ABCC10: variants seen among roughly 807,000 people sequenced by gnomAD.
ABCC10 encodes ATP binding cassette subfamily C member 10.
A neutral mutation model predicts 143.2 loss-of-function variants in ABCC10; 110 were observed. The observed-to-expected ratio is 0.77, with a 90% CI of 0.66 to 0.90. The LOEUF (loss-of-function observed/expected upper bound fraction) is 0.90, where lower values mean the gene tolerates loss of function less well. Ranked by LOEUF, ABCC10 falls within the 40% of genes least tolerant of loss-of-function variation. The pLI, the probability that ABCC10 is intolerant of heterozygous loss-of-function variation, is 0.00. For synonymous variants in ABCC10, 805 were observed against 846.7 expected, an observed-to-expected ratio of 0.95 and a Z score of 0.85; for missense variants, 1,700 against 1,900.5, an observed-to-expected ratio of 0.89 and a Z score of 1.96.
chr6:43,445,978 G>C (rs200579608), intron 15 of ABCC10, 36 bp downstream of exon 15: 51 of 1,582,722 alleles, frequency 3.2e-5, no homozygotes, highest in Admixed American at 1.8e-4. Flanking sequence ...TGAGGTGTTG[G>C]GGGGAGAGGA....
chr6:43,450,677 G>C (rs757586307), downstream of ABCC10: 5 of 1,613,944 alleles, frequency 3.1e-6, no homozygotes, highest in South Asian at 5.5e-5. This position sits in a 1 kb window ranked among gnomAD's most constrained non-coding sequence, Gnocchi z 4.5. Flanking sequence ...AGGGTCCAGG[G>C]GGGCAGACAC....
intron 1 of ABCC10, 35 bp downstream of exon 1, chr6:43,427,792 A>G: frequency 1.5e-6 from 1 of 673,142 alleles, no homozygotes; most frequent in Non-Finnish European, 2.6e-6. Flanking sequence ...CACTGGGGAA[A>G]CCTCCTCCCG....
intron 15 of ABCC10, 139 bp from the exon 16 acceptor site, chr6:43,446,138 G>A: frequency 8.5e-7 from 1 of 1,179,332 alleles, no homozygotes; most frequent in South Asian, 1.5e-5. Context: ...GGCATCTGCA[G>A]CCCTGAGGGA....
chr6:43,446,463 C>G lies in ABCC10; in HGVS notation c.3544+17C>G, dbSNP rs369193572. The G allele has an allele frequency of 4.4e-5, 71 of 1,604,658 alleles. No individual in the cohort carries two copies. The African/African-American group carries it at 9.0e-4, about 20-fold the overall frequency. ...CTAACCCAGGTGCCACCCAGGACCCCTCACCCCTACCTCATCCACAAGTTA... is the reference window on the plus strand; with the variant it reads ...CTAACCCAGGTGCCACCCAGGACCCGTCACCCCTACCTCATCCACAAGTTA... On this transcript the variant is annotated intron_variant, in intron 16 of 21. Transcript: ENST00000372530.
intron 18 of ABCC10, 172 bp downstream of exon 18, chr6:43,448,109 C>T (rs986636062): frequency 4.9e-6 from 5 of 1,029,374 alleles, no homozygotes; most frequent in Non-Finnish European, 7.3e-6. Context: ...GTGCCCAGGT[C>T]CAGATTCATG....
Position 43,443,794 on chromosome 6 carries a change from C to T in ABCC10, c.2417-139C>T, listed in dbSNP as rs576295661. 12 of 845,496 alleles carry T rather than the reference C, an allele frequency of 1.4e-5. No individual in the cohort carries two copies. Among genetic ancestry groups the T allele is most frequent in the African/African-American group, 3.3e-5 (2 of 60,244 alleles). 52.4% of individuals were successfully genotyped at this position (845,496 alleles called of 1,614,324 possible). Reference sequence around the variant, plus strand: ...GAGAGGGAGGCCTAAGAGTCCTGCTCGAGGTCTAGGGGTATCCTGCTAGGG... The same window carrying T: ...GAGAGGGAGGCCTAAGAGTCCTGCTTGAGGTCTAGGGGTATCCTGCTAGGG... On this transcript the variant is annotated intron_variant, in intron 10 of 21. Transcript: ENST00000372530. This position sits in a 1 kb window ranked among gnomAD's most constrained non-coding sequence, Gnocchi z 4.2.
intron 18 of ABCC10, chr6:43,448,141 C>T: frequency 2.4e-6 from 2 of 817,746 alleles, no homozygotes; most frequent in Non-Finnish European, 4.0e-6. Flanking sequence ...CAAGGTCTTC[C>T]TCGCCCTGAC....
intron 15 of ABCC10, 80 bp downstream of exon 15, chr6:43,446,022 G>A (rs71562703): frequency 0.024 from 34,202 of 1,451,786 alleles, 475 homozygotes; most frequent in Non-Finnish European, 0.027. Flanking sequence ...AATATGCAGG[G>A]TATGGTTGGT....
At position 43,446,573 on chromosome 6, in the gene ABCC10, T is replaced by G. The variant is rs535189964; in HGVS notation, c.3544+127T>G. 32 of 1,434,054 alleles carry G rather than the reference T, an allele frequency of 2.2e-5. No individual in the cohort carries two copies. The African/African-American group carries it at 4.2e-4, about 19-fold the overall frequency. 88.8% of individuals were successfully genotyped at this position (1,434,054 alleles called of 1,614,324 possible). On this transcript the variant is annotated intron_variant, in intron 16 of 21. Transcript: ENST00000372530. The stretch of plus-strand genomic sequence containing the variant: ...CAGGGTTCCCTGTGAGGATGTATCA[T>G]GATTATCATCATCACCCCCGTTTGG...
At chr6:43,441,800 A>C in intron 8 of ABCC10, 62 bp from the exon 9 acceptor site, 2 of 1,380,156 alleles carry the variant, frequency 1.4e-6, no homozygotes, top group Non-Finnish European at 2.0e-6. Flanking sequence ...CTGCAAAGGG[A>C]TAGGAAGTGG....
At chr6:43,436,269 G>A (rs766490716) in intron 6 of ABCC10, 22 bp downstream of exon 6, 1 of 1,611,004 alleles carries the variant, frequency 6.2e-7, no homozygotes, top group Non-Finnish European at 8.5e-7. Flanking sequence ...AGACACCCTG[G>A]GAGAGTCCTC....
At position 43,427,700 on chromosome 6, in the gene ABCC10, G is replaced by A. The variant is rs952330331; in HGVS notation, c.-69G>A. ...ATCCGGTGCACAGCAGCTTCTTCAG[G>A]TTTGAGGTTCCGGATGCCTGGGGGC... On this transcript the variant is annotated 5_prime_UTR_variant, in exon 1 of 22. Coordinates refer to ENST00000372530, the MANE Select transcript of ABCC10 (RefSeq NM_001198934.2). 9.1e-6 allele frequency: 5 copies of A among 550,586 alleles called. No homozygotes were observed. The Admixed American group carries it at 1.2e-4, about 14-fold the overall frequency. The allele number at this position is 550,586 out of a possible 1,614,324, so 34.1% of individuals were successfully genotyped here. A position where few individuals can be genotyped will look rare whatever the true frequency, so the allele number is the denominator to read the frequency against.
Position 43,443,797 on chromosome 6 carries a change from G to A in ABCC10, c.2417-136G>A, listed in dbSNP as rs1782726217. 1 of 874,214 alleles carries A rather than the reference G, an allele frequency of 1.1e-6. No individual in the cohort carries two copies. Among genetic ancestry groups the A allele is most frequent in the Non-Finnish European group, 1.9e-6 (1 of 528,732 alleles). 54.2% of individuals were successfully genotyped at this position (874,214 alleles called of 1,614,324 possible). The stretch of plus-strand genomic sequence containing the variant: ...AGGGAGGCCTAAGAGTCCTGCTCGA[G>A]GTCTAGGGGTATCCTGCTAGGGTGG... On this transcript the variant is annotated intron_variant, in intron 10 of 21. Transcript: ENST00000372530. This position sits in a 1 kb window ranked among gnomAD's most constrained non-coding sequence, Gnocchi z 4.2.
chr6:43,441,474 CAA>C (rs553846461), intron 8 of ABCC10, among the ~76,000 whole-genome samples: 1 of 133,896 alleles, frequency 7.5e-6, no homozygotes, highest in Non-Finnish European at 1.6e-5. Context: ...GACTCCGTCT[CAA>C]AAAAAAAAAA....
intron 14 of ABCC10, 100 bp from the exon 15 acceptor site, chr6:43,445,499 C>A: frequency 7.1e-7 from 1 of 1,404,670 alleles, no homozygotes; most frequent in Non-Finnish European, 9.8e-7. Flanking sequence ...TCCCTATTCT[C>A]TATCTTGGGC....
At chr6:43,427,887 G>C in intron 1 of ABCC10, 81 bp from the exon 2 acceptor site, 4 of 1,519,484 alleles carry the variant, frequency 2.6e-6, no homozygotes, top group Non-Finnish European at 3.6e-6. Flanking sequence ...GGCGGGGCTG[G>C]AGACAGGGAG....
intron 3 of ABCC10, among the ~76,000 whole-genome samples, 178 bp downstream of exon 3, chr6:43,433,538 C>G (rs1781362803): frequency 6.6e-6 from 1 of 152,228 alleles, no homozygotes; most frequent in South Asian, 2.1e-4. Flanking sequence ...TCAATCACTT[C>G]AGACAAGTCA....
At chr6:43,449,849 G>A in intron 21 of ABCC10, 80 bp from the exon 22 acceptor site, 1 of 1,513,416 alleles carries the variant, frequency 6.6e-7, no homozygotes, top group East Asian at 2.4e-5. Context: ...GTCCCGAGGG[G>A]AGAGGAGGGA....
chr6:43,451,328 C>T, downstream of ABCC10: 3 of 1,570,154 alleles, frequency 1.9e-6, no homozygotes, highest in Non-Finnish European at 2.6e-6. The surrounding 1 kb of genome is among the most constrained non-coding windows in gnomAD (Gnocchi z 4.4). Flanking sequence ...ACCTGTAGGG[C>T]AGCCCAGGTC....
Sources: allele counts gnomAD v4.1 joint callset (sites outside exome capture counted in the v4.1 genomes callset), GRCh38; gene constraint gnomAD v4.1.1; non-coding constraint Gnocchi (gnomAD v3.1); transcripts MANE v1.5; gene names NCBI Gene and HGNC (gene_info 2026-07-23, HGNC 2026-07-21).